Variants in FLVCR1 observed in about 807,000 individuals in gnomAD.
The protein encoded by FLVCR1 is choline/ethanolamine transporter FLVCR1.
In FLVCR1, 34 loss-of-function variants were observed where a neutral mutation model predicts 53.6. The ratio of observed to expected loss-of-function variants is 0.63; its 90% confidence interval spans 0.48 to 0.84. FLVCR1 has a LOEUF of 0.84. FLVCR1 is among the 40% of genes least tolerant of loss of function. FLVCR1 has a pLI of 0.00. For missense variants in FLVCR1, 677 were observed against 696.7 expected, an observed-to-expected ratio of 0.97 and a Z score of 0.32; for synonymous variants, 300 against 286.3, an observed-to-expected ratio of 1.05 and a Z score of -0.48.
chr1:212,893,078 C>A (rs12136542), intron 8 of FLVCR1, among the ~76,000 whole-genome samples: 5 of 141,896 alleles, frequency 3.5e-5, no homozygotes, highest in Admixed American at 3.1e-4. Flanking sequence ...GGGGGGGTGC[C>A]GGAATGTTGC....
At chr1:212,878,145 G>C (rs1413111112) in intron 3 of FLVCR1, among the ~76,000 whole-genome samples, 1 of 152,072 alleles carries the variant, frequency 6.6e-6, no homozygotes, top group African/African-American at 2.4e-5. Flanking sequence ...GTCCTACAAA[G>C]CTAACAAAGG....
rs567270153 is a variant in FLVCR1, at chr1:212,860,350, GTTTT to G, written c.738+1175_738+1178del. ...TATTATAAAGTTTTTTGTGTGTGTG[GTTTT>G]TTTTTTTTTTTTTTGTAGAAATGGG... is the stretch of plus-strand genomic sequence containing the variant. On this transcript the variant is annotated intron_variant, in intron 1 of 9. Coordinates refer to ENST00000366971, the MANE Select transcript of FLVCR1 (RefSeq NM_014053.4). Among the ~76,000 whole-genome samples, 122 of 85,850 alleles carry G rather than the reference GTTTT, an allele frequency of 1.4e-3. 2 individuals carry two copies. The highest frequency in any genetic ancestry group is 2.3e-3 in the Non-Finnish European group (96 of 41,280). 56.3% of individuals were successfully genotyped at this position (85,850 alleles called of 152,430 possible).
intron 1 of FLVCR1, 41 bp downstream of exon 1, chr1:212,859,231 G>A (rs764476486): frequency 7.4e-6 from 12 of 1,613,566 alleles, no homozygotes; most frequent in Non-Finnish European, 1.0e-5. Context: ...ATCCTTAAAA[G>A]ACCGGAAAAA....
In FLVCR1 at chr1:212,866,275, G is replaced by A. The variant is rs552223627; in HGVS notation, c.883+2406G>A. Among the ~76,000 whole-genome samples the A allele has an allele frequency of 1.2e-4, 18 of 151,790 alleles. No homozygotes were observed. In the South Asian group the frequency reaches 2.9e-3, roughly 25 times the overall value. Reference sequence around the variant, plus strand: ...GCTGGAATTACAGGCATGAGCCACCGAGCCCGGCCTTTTTTGTGTGTTTTT... The same window carrying A: ...GCTGGAATTACAGGCATGAGCCACCAAGCCCGGCCTTTTTTGTGTGTTTTT... On this transcript the variant is annotated intron_variant, in intron 2 of 9. Coordinates refer to ENST00000366971, the MANE Select transcript of FLVCR1 (RefSeq NM_014053.4).
chr1:212,875,607 C>A (rs889198145), intron 3 of FLVCR1, among the ~76,000 whole-genome samples: 13 of 152,088 alleles, frequency 8.5e-5, no homozygotes, highest in Non-Finnish European at 1.3e-4. Flanking sequence ...CTTTGGGAGG[C>A]CAAGGTGGGT....
At position 212,898,507 on chromosome 1, in the gene FLVCR1, T is replaced by G. The variant is rs1455060075; in HGVS notation, c.*3217T>G. 3 of 152,228 alleles carry G rather than the reference T, an allele frequency of 2.0e-5. No homozygotes were observed. The highest frequency in any genetic ancestry group is 4.4e-5 in the Non-Finnish European group (3 of 68,044). 9.4% of individuals were successfully genotyped at this position (152,228 alleles called of 1,614,324 possible). A position where few individuals can be genotyped will look rare whatever the true frequency, so the allele number is the denominator to read the frequency against. Reference sequence around the variant, plus strand: ...GTTTGGAACAAATTACACATAAAATTTAGAATACTTTATTTCTGAAAAGCA... The same window carrying G: ...GTTTGGAACAAATTACACATAAAATGTAGAATACTTTATTTCTGAAAAGCA... On this transcript the variant is annotated 3_prime_UTR_variant, in exon 10 of 10. Coordinates refer to ENST00000366971, the MANE Select transcript of FLVCR1 (RefSeq NM_014053.4).
intron 5 of FLVCR1, among the ~76,000 whole-genome samples, chr1:212,887,215 A>ATG (rs546451573): frequency 4.2e-4 from 64 of 152,348 alleles, no homozygotes; most frequent in Non-Finnish European, 7.8e-4. Flanking sequence ...CTTGATATAT[A>ATG]GATGAAGGGA....
intron 2 of FLVCR1, chr1:212,870,133 G>A (rs1664555921): frequency 6.6e-6 from 1 of 152,156 alleles, no homozygotes; most frequent in Admixed American, 6.5e-5. Flanking sequence ...AGGAGGATTT[G>A]CAACTTAAAC....
At position 212,899,057 on chromosome 1, in the gene FLVCR1, A is replaced by C. The variant is rs1404469644; in HGVS notation, c.*3767A>C. ...ACATGACTGTATGTCGTATTTTCAG[A>C]AAATGGAATAGGTAATCATCACTTG... On this transcript the variant is annotated 3_prime_UTR_variant, in exon 10 of 10. Transcript: ENST00000366971. 2.0e-5 allele frequency: 3 copies of C among 152,256 alleles called. No individual in the cohort carries two copies. The highest frequency in any genetic ancestry group is 7.2e-5 in the African/African-American group (3 of 41,476). 9.4% of individuals were successfully genotyped at this position (152,256 alleles called of 1,614,324 possible).
intron 2 of FLVCR1, among the ~76,000 whole-genome samples, chr1:212,871,620 G>C (rs1243152387): frequency 6.6e-6 from 1 of 152,084 alleles, no homozygotes; most frequent in Non-Finnish European, 1.5e-5. Flanking sequence ...TCTTGTACAA[G>C]TGATGGACCC....
intron 2 of FLVCR1, among the ~76,000 whole-genome samples, chr1:212,864,159 T>C (rs1664340192): frequency 6.6e-6 from 1 of 152,216 alleles, no homozygotes; most frequent in Non-Finnish European, 1.5e-5. Context: ...TCTTCCCATA[T>C]TCGCCTACAT....
intron 3 of FLVCR1, among the ~76,000 whole-genome samples, chr1:212,879,880 A>G (rs539955434): frequency 1.3e-4 from 20 of 151,894 alleles, no homozygotes; most frequent in Admixed American, 4.6e-4. Context: ...TTGAGGTTGC[A>G]CTATTTGGAG....
intron 3 of FLVCR1, among the ~76,000 whole-genome samples, chr1:212,882,295 A>G (rs1664951884): frequency 6.6e-6 from 1 of 152,222 alleles, no homozygotes; most frequent in African/African-American, 2.4e-5. Context: ...AGAATACTGT[A>G]CAACAGAAAA....
rs113717948 is a variant in FLVCR1 at position 212,860,925 on chromosome 1, G to A, written c.738+1735G>A. ...TCTCTAATGCCACTGTCTTGGTTTG[G>A]GCCACCCACAGCTCTCACCTAGAGC... is the stretch of plus-strand genomic sequence containing the variant. On this transcript the variant is annotated intron_variant, in intron 1 of 9. Transcript: ENST00000366971. Among the ~76,000 whole-genome samples the A allele has an allele frequency of 5.1e-3, 779 of 152,120 alleles. 4 individuals are homozygous for A. Among genetic ancestry groups the A allele is most frequent in the African/African-American group, 0.018 (740 of 41,488 alleles).
At chr1:212,883,302 C>T (rs1428411486) in intron 3 of FLVCR1, 69 bp from the exon 4 acceptor site, 1 of 866,402 alleles carries the variant, frequency 1.2e-6, no homozygotes, top group East Asian at 2.5e-5. Flanking sequence ...TGGTAAATGA[C>T]ACACTTTTAG....
At chr1:212,893,513 T>G (rs180974219) in intron 8 of FLVCR1, among the ~76,000 whole-genome samples, 185 of 152,314 alleles carry the variant, frequency 1.2e-3, no homozygotes, top group Middle Eastern at 3.4e-3. Flanking sequence ...ACTCCTGTTT[T>G]GAGGAAGTTT....
chr1:212,888,692 T>TG, intron 7 of FLVCR1, 98 bp downstream of exon 7: 3 of 1,003,620 alleles, frequency 3.0e-6, no homozygotes, highest in South Asian at 1.3e-5. Flanking sequence ...TTGTTGTTGT[T>TG]TTGTTTTTTG....
In FLVCR1 at chr1:212,858,700, C is replaced by G; in HGVS notation, c.248C>G (p.Pro83Arg). 1 of 1,591,430 alleles carries G rather than the reference C, an allele frequency of 6.3e-7. No individual in the cohort carries two copies. The change falls in exon 1 of 10, where the codon CCT (proline) becomes CGT (arginine). Residue 83 changes from proline to arginine, a missense_variant. Coordinates refer to ENST00000366971, the MANE Select transcript of FLVCR1 (RefSeq NM_014053.4). ...GAGGAGACCCAGGCCCGGCTGCTGC[C>G]TGCGGGCGCGGGAGCTGAGACCCCG... is the stretch of plus-strand genomic sequence containing the variant. ...PEEETQARLL[P>R]AGAGAETPGA...
intron 3 of FLVCR1, among the ~76,000 whole-genome samples, chr1:212,874,685 C>A (rs972156807): frequency 6.6e-6 from 1 of 151,774 alleles, no homozygotes; most frequent in African/African-American, 2.4e-5. Flanking sequence ...CATGCCACCA[C>A]GCCCAGCTAA....
Sources: allele counts gnomAD v4.1 joint callset (sites outside exome capture counted in the v4.1 genomes callset), GRCh38; gene constraint gnomAD v4.1.1; transcripts MANE v1.5; gene names NCBI Gene and HGNC (gene_info 2026-07-23, HGNC 2026-07-21).